The following ARHGAP10 variants were observed in gnomAD, a reference collection of about 807,000 sequenced individuals.
The protein encoded by ARHGAP10 is Rho GTPase activating protein 10.
Under a neutral mutation model 108.6 loss-of-function variants are expected in ARHGAP10, and 87 were observed. The observed-to-expected ratio is 0.80, with a 90% CI of 0.67 to 0.96. The LOEUF (loss-of-function observed/expected upper bound fraction) is 0.96, where lower values mean the gene tolerates loss of function less well. ARHGAP10 is among the 40% of genes least tolerant of loss of function. The pLI is 0.00. For synonymous variants in ARHGAP10, 347 were observed against 341.1 expected, an observed-to-expected ratio of 1.02 and a Z score of -0.19; for missense variants, 939 against 954.5, an observed-to-expected ratio of 0.98 and a Z score of 0.21.
intron 18 of ARHGAP10, among the ~76,000 whole-genome samples, chr4:147,992,149 C>T (rs1403908393): frequency 6.6e-6 from 1 of 152,182 alleles, no homozygotes; most frequent in Non-Finnish European, 1.5e-5. Context: ...TGGTTGATTT[C>T]TCTTTGAGAG....
intron 10 of ARHGAP10, among the ~76,000 whole-genome samples, chr4:147,898,180 C>CT (rs373615477): frequency 0.78 from 118,535 of 152,058 alleles, 48,830 homozygotes; most frequent in Non-Finnish European, 0.92. Flanking sequence ...CTTAGGCTGC[C>CT]TTAGGCTGCA....
chr4:148,065,956 G>A (rs1444273867), intron 22 of ARHGAP10, among the ~76,000 whole-genome samples: 4 of 114,968 alleles, frequency 3.5e-5, no homozygotes, highest in Non-Finnish European at 6.6e-5. Flanking sequence ...GGCCAGCCTG[G>A]ATAACACAGT....
At chr4:147,869,998 T>TTTTGTGTGTGTGTG (rs1553958574) in intron 7 of ARHGAP10, among the ~76,000 whole-genome samples, 1 of 93,068 alleles carries the variant, frequency 1.1e-5, no homozygotes, top group Non-Finnish European at 2.3e-5. Flanking sequence ...AAGTCCCAGT[T>TTTTGTGTGTGTGTG]TGTGTGTGTG....
At chr4:147,932,425 A>G (rs1311673419) in intron 13 of ARHGAP10, among the ~76,000 whole-genome samples, 2 of 152,258 alleles carry the variant, frequency 1.3e-5, no homozygotes, top group Non-Finnish European at 2.9e-5. Flanking sequence ...GATAGACTGG[A>G]TAAAGAAAAT....
chr4:147,872,521 G>A (rs1205600553), intron 7 of ARHGAP10, among the ~76,000 whole-genome samples: 1 of 152,114 alleles, frequency 6.6e-6, no homozygotes, highest in East Asian at 1.9e-4. Context: ...ACTATGTTGG[G>A]GTTAGCACCC....
At chr4:147,910,727 T>C (rs1444685007) in intron 12 of ARHGAP10, among the ~76,000 whole-genome samples, 2 of 152,192 alleles carry the variant, frequency 1.3e-5, no homozygotes, top group Non-Finnish European at 2.9e-5. Context: ...GGGTTCCTGA[T>C]GAATTTACTT....
chr4:147,789,417 G>A (rs946001530), intron 1 of ARHGAP10, among the ~76,000 whole-genome samples: 2 of 152,144 alleles, frequency 1.3e-5, no homozygotes, highest in Non-Finnish European at 2.9e-5. Flanking sequence ...AGCCTCCTGG[G>A]TAGCTCGTAT....
At chr4:147,880,257 A>G (rs922197388) in intron 9 of ARHGAP10, among the ~76,000 whole-genome samples, 1 of 152,240 alleles carries the variant, frequency 6.6e-6, no homozygotes, top group Non-Finnish European at 1.5e-5. Flanking sequence ...GTGAATGGGT[A>G]TGGTTTTGCT....
chr4:147,743,717 C>A (rs1247342627), intron 1 of ARHGAP10, among the ~76,000 whole-genome samples: 1 of 152,128 alleles, frequency 6.6e-6, no homozygotes, highest in Admixed American at 6.5e-5. Context: ...GCAGAGGTTG[C>A]GGTGAGCCAA....
chr4:147,806,217 G>A (rs183641117), intron 1 of ARHGAP10, among the ~76,000 whole-genome samples: 11 of 151,940 alleles, frequency 7.2e-5, no homozygotes, highest in African/African-American at 9.7e-5. Context: ...TTTCCAGGTC[G>A]GATCAAATTT....
At chr4:147,946,537 T>C in intron 14 of ARHGAP10, 80 bp from the exon 15 acceptor site, 1 of 1,202,632 alleles carries the variant, frequency 8.3e-7, no homozygotes, top group East Asian at 2.5e-5. Context: ...CATTTAAAAA[T>C]GGAAGCTTTG....
chr4:147,850,831 C>G (rs944086538), intron 4 of ARHGAP10, among the ~76,000 whole-genome samples: 1 of 152,194 alleles, frequency 6.6e-6, no homozygotes, highest in Non-Finnish European at 1.5e-5. Context: ...GAAGCTCCTT[C>G]ACCCTTTTTG....
intron 5 of ARHGAP10, chr4:147,858,411 T>A (rs929837738): frequency 6.6e-6 from 1 of 152,216 alleles, no homozygotes; most frequent in South Asian, 2.1e-4. Flanking sequence ...TAAACACTTA[T>A]TGAAGTATTA....
chr4:147,948,767 T>C (rs1302133066), intron 15 of ARHGAP10, among the ~76,000 whole-genome samples: 1 of 151,480 alleles, frequency 6.6e-6, no homozygotes, highest in Non-Finnish European at 1.5e-5. Context: ...CCATCCTTGC[T>C]AACACGGTGA....
chr4:147,918,886 A>T (rs1324053458), intron 13 of ARHGAP10, among the ~76,000 whole-genome samples: 2 of 152,206 alleles, frequency 1.3e-5, no homozygotes, highest in Non-Finnish European at 2.9e-5. Context: ...GGCCTCACAC[A>T]ACACTTGCTC....
intron 10 of ARHGAP10, among the ~76,000 whole-genome samples, chr4:147,883,443 C>T (rs1412303360): frequency 6.6e-5 from 10 of 152,302 alleles, no homozygotes; most frequent in African/African-American, 1.9e-4. Flanking sequence ...TACATCTGTG[C>T]GCACACACCC....
intron 18 of ARHGAP10, among the ~76,000 whole-genome samples, chr4:147,990,445 A>G (rs1740222758): frequency 6.6e-6 from 1 of 152,214 alleles, no homozygotes; most frequent in African/African-American, 2.4e-5. Flanking sequence ...TCCAATTTCC[A>G]AGATAACTAA....
chr4:147,894,816 T>TA (rs997086069), intron 10 of ARHGAP10, among the ~76,000 whole-genome samples: 12 of 152,172 alleles, frequency 7.9e-5, no homozygotes, highest in South Asian at 2.1e-4. Flanking sequence ...TGGCACCTTC[T>TA]AAAAAATCAC....
rs1733672386 is a variant in ARHGAP10, at chr4:147,847,230, T to G, written c.384+8T>G. On this transcript the variant is annotated splice_region_variant and intron_variant, in intron 4 of 22. Transcript: ENST00000336498. ...CAACTTGGAGCTGTAAAGGTTTGTG[T>G]CTAATTTGAATACACTCAGAAAACA... 15 of 1,605,464 alleles carry G rather than the reference T, an allele frequency of 9.3e-6. No individual in the cohort carries two copies. Among genetic ancestry groups the G allele is most frequent in the African/African-American group, 8.0e-5 (6 of 74,842 alleles).
Sources: allele counts gnomAD v4.1 joint callset (sites outside exome capture counted in the v4.1 genomes callset), GRCh38; gene constraint gnomAD v4.1.1; transcripts MANE v1.5; gene names NCBI Gene and HGNC (gene_info 2026-07-23, HGNC 2026-07-21).